Variants in TRIM35 observed in about 807,000 individuals in gnomAD.
The protein encoded by TRIM35 is tripartite motif containing 35, also known as E3 ubiquitin-protein ligase TRIM35.
A neutral mutation model predicts 49.1 loss-of-function variants in TRIM35; 37 were observed. The observed-to-expected ratio is 0.75, with a 90% CI of 0.58 to 0.99. The LOEUF (loss-of-function observed/expected upper bound fraction) is 0.99, where lower values mean the gene tolerates loss of function less well. Ranked by LOEUF, TRIM35 falls within the 50% of genes least tolerant of loss-of-function variation. The pLI is 0.00. For synonymous variants in TRIM35, 302 were observed against 289.3 expected (o/e 1.04, Z -0.45); for missense variants, 648 against 702.7 (o/e 0.92, Z 0.88).
At chr8:27,309,470 T>G (rs1025308287) in intron 1 of TRIM35, among the ~76,000 whole-genome samples, 1 of 152,106 alleles carries the variant, frequency 6.6e-6, no homozygotes, top group Non-Finnish European at 1.5e-5. Flanking sequence ...CAAATGCATT[T>G]GGAGCGGAAC....
intron 3 of TRIM35, among the ~76,000 whole-genome samples, chr8:27,292,970 G>C (rs1358890467): frequency 6.6e-6 from 1 of 151,618 alleles, no homozygotes; most frequent in East Asian, 1.9e-4. Flanking sequence ...GAGACACACA[G>C]CTTTTAGATC....
intron 2 of TRIM35, among the ~76,000 whole-genome samples, chr8:27,296,244 T>C (rs1345453694): frequency 1.3e-5 from 2 of 151,400 alleles, no homozygotes; most frequent in South Asian, 2.1e-4. Context: ...GCCATGGTGG[T>C]CTGCTGCACC....
Position 27,289,278 on chromosome 8 carries a change from A to G in TRIM35, c.788T>C (p.Leu263Pro). 5 of 1,613,658 alleles carry G rather than the reference A, an allele frequency of 3.1e-6. No homozygotes were observed. Among genetic ancestry groups the G allele is most frequent in the Non-Finnish European group, 4.2e-6 (5 of 1,179,634 alleles). Residue 263 changes from leucine to proline, a missense_variant and splice_region_variant, in exon 5 of 6, where the codon CTC becomes CCC. Physicochemically the swap from Leu to Pro is moderately conservative, Grantham distance 98 (BLOSUM62 -3). Coordinates refer to ENST00000305364, the MANE Select transcript of TRIM35 (RefSeq NM_171982.5). ...LMKHKSRKRR[L>P]FCTMEPEPVQ... ...TGGCTCTGGCTCCATGGTGCAGAAG[A>G]GTCTGGAAAAGTACAATGGGTATGG...
At position 27,287,613 on chromosome 8, in the gene TRIM35, C is replaced by T. The variant is rs1173381496; in HGVS notation, c.1419G>A (p.Gly473=). Residue 473 remains glycine, a synonymous_variant, in exon 6 of 6, where the codon GGG becomes GGA. Coordinates refer to ENST00000305364, the MANE Select transcript of TRIM35 (RefSeq NM_171982.5). The surrounding 1 kb of genome is among the most constrained non-coding windows in gnomAD (Gnocchi z 6.0). ...YFYLGGARGA[G]PPEPLRICPL... is the part of the protein sequence containing the mutation. ...GGCAGATGCGCAAAGGCTCTGGAGG[C>T]CCGGCGCCCCGTGCACCCCCCAGGT... is the stretch of plus-strand genomic sequence containing the variant. 1.9e-6 allele frequency: 3 copies of T among 1,606,302 alleles called. No homozygotes were observed. The highest frequency in any genetic ancestry group is 1.3e-5 in the African/African-American group (1 of 74,994).
Position 27,285,851 on chromosome 8 carries a change from G to C in TRIM35, c.*1699C>G, listed in dbSNP as rs1381788211. ...TCTCAGACACTTTGGCTCCCAAAGG[G>C]CTTGGAGCTTTTGTGAGGCTGAGCA... On this transcript the variant is annotated 3_prime_UTR_variant, in exon 6 of 6. Coordinates refer to ENST00000305364, the MANE Select transcript of TRIM35 (RefSeq NM_171982.5). 1 of 255,560 alleles carries C rather than the reference G, an allele frequency of 3.9e-6. No homozygotes were observed. The highest frequency in any genetic ancestry group is 7.9e-6 in the Non-Finnish European group (1 of 127,322). The allele number at this position is 255,560 out of a possible 1,614,324, so 15.8% of individuals were successfully genotyped here.
Position 27,285,652 on chromosome 8 carries a change from T to A in TRIM35, c.*1898A>T. 1 of 122,112 alleles carries A rather than the reference T, an allele frequency of 8.2e-6. No homozygotes were observed. 7.6% of individuals were successfully genotyped at this position (122,112 alleles called of 1,614,324 possible). A position where few individuals can be genotyped will look rare whatever the true frequency, so the allele number is the denominator to read the frequency against. On this transcript the variant is annotated 3_prime_UTR_variant, in exon 6 of 6. Coordinates refer to ENST00000305364, the MANE Select transcript of TRIM35 (RefSeq NM_171982.5). The stretch of plus-strand genomic sequence containing the variant: ...TTTTTTTTTAAGAGGCCTAGCCTGC[T>A]CAAGTTATCCTGTTAAAAAAAAAAA...
At chr8:27,292,960 G>A (rs891744243) in intron 3 of TRIM35, among the ~76,000 whole-genome samples, 3 of 151,476 alleles carry the variant, frequency 2.0e-5, no homozygotes, top group African/African-American at 4.9e-5. Flanking sequence ...CAGAATCCTC[G>A]AGACACACAG....
At chr8:27,300,829 T>C (rs1003988033) in intron 1 of TRIM35, among the ~76,000 whole-genome samples, 2 of 152,234 alleles carry the variant, frequency 1.3e-5, no homozygotes, top group South Asian at 4.1e-4. Flanking sequence ...AGATTTTTGA[T>C]ACAAAATCAT....
intron 1 of TRIM35, among the ~76,000 whole-genome samples, chr8:27,299,320 T>C (rs1802637678): frequency 6.6e-6 from 1 of 152,230 alleles, no homozygotes; most frequent in Non-Finnish European, 1.5e-5. Flanking sequence ...CTTTTCGATC[T>C]ACATTCTCAG....
rs768902256 is a variant in TRIM35 at position 27,294,103 on chromosome 8, CCTT to C, written c.736_738del (p.Lys246del). 6.2e-7 allele frequency: 1 copy of C among 1,614,034 alleles called. No individual in the cohort carries two copies. Among genetic ancestry groups the C allele is most frequent in the Non-Finnish European group, 8.5e-7 (1 of 1,180,040 alleles). ...ACCATGAGAAAAGAAACGTCGTCCT[CCTT>C]CATCTCCATCTGCAGCCGCTCGATC... On this transcript the variant is annotated inframe_deletion, in exon 3 of 6. Transcript: ENST00000305364.
At position 27,287,644 on chromosome 8, in the gene TRIM35, TA is replaced by T; in HGVS notation, c.1387del (p.Tyr463ThrfsTer134). ...FHARFGEVRP[Y>X]FYLGGARGAG... is the part of the protein sequence containing the mutation. The stretch of plus-strand genomic sequence containing the variant: ...GCCCCGTGCACCCCCCAGGTAGAAG[TA>T]GGGGCGAACCTCCCCAAAGCGGGCG... On this transcript the variant is annotated frameshift_variant, in exon 6 of 6. Transcript: ENST00000305364. LOFTEE classifies it high-confidence loss of function. This position sits in a 1 kb window ranked among gnomAD's most constrained non-coding sequence, Gnocchi z 6.0. The T allele has an allele frequency of 6.2e-7, 1 of 1,609,692 alleles. No individual in the cohort carries two copies. The highest frequency in any genetic ancestry group is 8.5e-7 in the Non-Finnish European group (1 of 1,178,172).
At position 27,310,791 on chromosome 8, in the gene TRIM35, C is replaced by A. The variant is rs1304440143; in HGVS notation, c.435+10G>T. 1.3e-6 allele frequency: 2 copies of A among 1,572,692 alleles called. No individual in the cohort carries two copies. The highest frequency in any genetic ancestry group is 2.3e-5 in the East Asian group (1 of 44,086). ...CGGCTCGGCCGCCTCGTGCAAATCG[C>A]TGCTCTTACCCGAAAGTCGTGGGCA... On this transcript the variant is annotated intron_variant, in intron 1 of 5. Coordinates refer to ENST00000305364, the MANE Select transcript of TRIM35 (RefSeq NM_171982.5).
At chr8:27,293,153 C>A (rs1414854308) in intron 3 of TRIM35, among the ~76,000 whole-genome samples, 2 of 152,102 alleles carry the variant, frequency 1.3e-5, no homozygotes, top group Non-Finnish European at 2.9e-5. Context: ...GGAGATGACA[C>A]TGCCTGAACA....
intron 3 of TRIM35, among the ~76,000 whole-genome samples, chr8:27,293,014 T>C (rs1158469853): frequency 6.6e-6 from 1 of 152,098 alleles, no homozygotes; most frequent in Non-Finnish European, 1.5e-5. Context: ...TTTTTTTTTT[T>C]TCTTCATTTT....
intron 1 of TRIM35, among the ~76,000 whole-genome samples, chr8:27,303,509 T>G (rs537589331): frequency 6.6e-6 from 1 of 152,104 alleles, no homozygotes; most frequent in African/African-American, 2.4e-5. Flanking sequence ...TATGCTTAGA[T>G]TACAAATAGA....
chr8:27,288,764 T>C (rs1193704464), intron 5 of TRIM35, among the ~76,000 whole-genome samples: 4 of 152,198 alleles, frequency 2.6e-5, no homozygotes, highest in African/African-American at 9.7e-5. Context: ...GCCCATTCCC[T>C]GAGTCAGTGA....
chr8:27,296,102 T>C (rs1236871877), intron 2 of TRIM35, among the ~76,000 whole-genome samples: 1 of 150,712 alleles, frequency 6.6e-6, no homozygotes, highest in Admixed American at 6.6e-5. Flanking sequence ...CCTATCAGGC[T>C]GAAAAGACTG....
At chr8:27,305,878 C>T (rs1191521287) in intron 1 of TRIM35, among the ~76,000 whole-genome samples, 1 of 152,170 alleles carries the variant, frequency 6.6e-6, no homozygotes, top group Non-Finnish European at 1.5e-5. Flanking sequence ...CACACTGTTG[C>T]CCAGGCTGGA....
intron 1 of TRIM35, among the ~76,000 whole-genome samples, chr8:27,300,371 T>G (rs776602116): frequency 1.3e-5 from 2 of 150,856 alleles, no homozygotes; most frequent in Non-Finnish European, 2.9e-5. Flanking sequence ...GGCACTAAGT[T>G]TTGGGCAATT....
Sources: allele counts gnomAD v4.1 joint callset (sites outside exome capture counted in the v4.1 genomes callset), GRCh38; gene constraint gnomAD v4.1.1; non-coding constraint Gnocchi (gnomAD v3.1); transcripts MANE v1.5; gene names NCBI Gene and HGNC (gene_info 2026-07-23, HGNC 2026-07-21).